ALPL: variants seen among roughly 807,000 people sequenced by gnomAD.
ALPL encodes the protein alkaline phosphatase, biomineralization associated, also known as alkaline phosphatase, tissue-nonspecific isozyme.
Under a neutral mutation model 51.3 loss-of-function variants are expected in ALPL, and 42 were observed. The observed-to-expected ratio is 0.82, with a 90% CI of 0.64 to 1.06. ALPL has a LOEUF of 1.06. Among genes scored for constraint, ALPL ranks in the 50% least tolerant of loss-of-function variants. ALPL has a pLI of 0.00. For synonymous variants in ALPL, 279 were observed against 296.4 expected, an observed-to-expected ratio of 0.94 and a Z score of 0.60; for missense variants, 589 against 709.4, an observed-to-expected ratio of 0.83 and a Z score of 1.93.
intron 1 of ALPL, among the ~76,000 whole-genome samples, chr1:21,524,330 G>A (rs1019480352): frequency 6.6e-6 from 1 of 151,992 alleles, no homozygotes; most frequent in African/African-American, 2.4e-5. Context: ...GGTAAAGAAT[G>A]GAAGCACAGG....
chr1:21,538,996 A>G (rs1290280665), intron 1 of ALPL, among the ~76,000 whole-genome samples: 1 of 152,224 alleles, frequency 6.6e-6, no homozygotes, highest in African/African-American at 2.4e-5. Context: ...AACATTTGGG[A>G]ACAGAGTGTA....
chr1:21,573,096 C>T (rs762866056), intron 8 of ALPL, among the ~76,000 whole-genome samples: 8 of 152,180 alleles, frequency 5.3e-5, no homozygotes, highest in Non-Finnish European at 1.0e-4. Context: ...ATCTGTGAAA[C>T]GGGCATGGTG....
chr1:21,528,129 C>T (rs969493926), intron 1 of ALPL, among the ~76,000 whole-genome samples: 11 of 150,660 alleles, frequency 7.3e-5, no homozygotes, highest in Admixed American at 6.0e-4. Context: ...AAGTGATCCT[C>T]CCACCTCAGC....
intron 1 of ALPL, among the ~76,000 whole-genome samples, chr1:21,513,433 GAT>G (rs961412420): frequency 1.3e-5 from 2 of 152,198 alleles, no homozygotes; most frequent in African/African-American, 4.8e-5. Context: ...GGTGGAAAAA[GAT>G]ATTAAGCTCA....
intron 2 of ALPL, among the ~76,000 whole-genome samples, chr1:21,558,896 C>G (rs1644447855): frequency 6.6e-6 from 1 of 152,218 alleles, no homozygotes; most frequent in African/African-American, 2.4e-5. Context: ...GGTTCTCCCA[C>G]TTGGGGCCCT....
chr1:21,568,718 G>T (rs535415317), intron 7 of ALPL, among the ~76,000 whole-genome samples: 11 of 152,232 alleles, frequency 7.2e-5, no homozygotes, highest in Non-Finnish European at 1.5e-4. Context: ...GATGGATCAG[G>T]GGAGGACATG....
At chr1:21,562,286 G>A (rs919817159) in intron 4 of ALPL, among the ~76,000 whole-genome samples, 1 of 152,228 alleles carries the variant, frequency 6.6e-6, no homozygotes, top group Non-Finnish European at 1.5e-5. Context: ...AAATGATGCT[G>A]ATAGACTTGC....
Position 21,524,429 on chromosome 1 carries a change from G to A in ALPL, c.-105+14912G>A, listed in dbSNP as rs539085571. Reference sequence around the variant, plus strand: ...GAGCCAAGGACTTCAAGGCTGCAGTGAGATATCATTGCACCTGTGAATAGC... The same window carrying A: ...GAGCCAAGGACTTCAAGGCTGCAGTAAGATATCATTGCACCTGTGAATAGC... On this transcript the variant is annotated intron_variant, in intron 1 of 11. Transcript: ENST00000374840. 1.1e-4 allele frequency among the ~76,000 whole-genome samples: 16 copies of A among 152,206 alleles called. No homozygotes were observed. The South Asian group carries it at 3.3e-3, about 32-fold the overall frequency.
At position 21,563,183 on chromosome 1, in the gene ALPL, A is replaced by G. The variant is rs11586344; in HGVS notation, c.371A>G (p.Asn124Ser). The change falls in exon 5 of 12, where the codon AAT becomes AGT. Residue 124 changes from asparagine (N) to serine (S), a missense_variant. By Grantham distance (46) the Asn-to-Ser change is conservative. Transcript: ENST00000374840. Reference protein sequence around the residue: ...ATAYLCGVKANEGTVGVSAAT... With the variant: ...ATAYLCGVKASEGTVGVSAAT... ...GCCTACCTGTGTGGGGTGAAGGCCA[A>G]TGAGGGCACCGTGGGGGTAAGCGCA... 1.3e-5 allele frequency: 21 copies of G among 1,613,944 alleles called. No individual in the cohort carries two copies. In the African/African-American group the frequency reaches 1.3e-4, roughly 10 times the overall value.
At chr1:21,539,104 G>A (rs956062511) in intron 1 of ALPL, among the ~76,000 whole-genome samples, 10 of 152,210 alleles carry the variant, frequency 6.6e-5, no homozygotes, top group African/African-American at 2.4e-4. Flanking sequence ...GCAAATGGTG[G>A]TTTGTTTCCA....
chr1:21,515,362 C>T (rs1018810760), intron 1 of ALPL, among the ~76,000 whole-genome samples: 2 of 152,230 alleles, frequency 1.3e-5, no homozygotes, highest in East Asian at 1.9e-4. Flanking sequence ...TTGTGCCTGG[C>T]CCACAAGTGC....
intron 1 of ALPL, among the ~76,000 whole-genome samples, chr1:21,548,531 C>T (rs1283386280): frequency 6.6e-6 from 1 of 152,204 alleles, no homozygotes; most frequent in African/African-American, 2.4e-5. Context: ...GAGCTTCAGG[C>T]TAGCAGGGAG....
intron 1 of ALPL, among the ~76,000 whole-genome samples, chr1:21,552,409 G>C (rs1012073736): frequency 6.6e-6 from 1 of 150,752 alleles, no homozygotes; most frequent in Non-Finnish European, 1.5e-5. Flanking sequence ...AACCCGGGGG[G>C]CGGAGGTTGC....
intron 1 of ALPL, among the ~76,000 whole-genome samples, chr1:21,538,155 C>T (rs1644134330): frequency 6.6e-6 from 1 of 152,206 alleles, no homozygotes; most frequent in Non-Finnish European, 1.5e-5. Context: ...TCTTGTTCCT[C>T]CAGTGACGTA....
At chr1:21,555,915 T>C (rs188156720) in intron 2 of ALPL, among the ~76,000 whole-genome samples, 1,625 of 151,666 alleles carry the variant, frequency 0.011, 32 homozygotes, top group African/African-American at 0.037. Flanking sequence ...GGACTACAGG[T>C]GCCCGCCACC....
At position 21,577,495 on chromosome 1, in the gene ALPL, C is replaced by T. The variant is rs12027316; in HGVS notation, c.1422C>T (p.Val474=). The change falls in exon 12 of 12, where the codon GTC becomes GTT. Residue 474 remains valine (V), a synonymous_variant. Transcript: ENST00000374840. The part of the protein sequence containing the change: ...KGPMAHLLHG[V]HEQNYVPHVM... ...CCATGGCGCACCTGCTGCACGGCGT[C>T]CACGAGCAGAACTACGTCCCCCACG... 2.5e-6 allele frequency: 4 copies of T among 1,609,280 alleles called. No individual in the cohort carries two copies. The East Asian group carries it at 8.9e-5, about 36-fold the overall frequency.
intron 6 of ALPL, among the ~76,000 whole-genome samples, chr1:21,566,888 C>T (rs748089421): frequency 3.9e-5 from 6 of 152,186 alleles, no homozygotes; most frequent in Admixed American, 6.5e-5. Context: ...TGAGCCACCG[C>T]GCCTGGCCAG....
At chr1:21,566,757 GTT>G (rs1644570826) in intron 6 of ALPL, among the ~76,000 whole-genome samples, 1 of 151,358 alleles carries the variant, frequency 6.6e-6, no homozygotes, top group South Asian at 2.1e-4. Context: ...GCCCGGCTAA[GTT>G]TCGAAACAAA....
chr1:21,538,931 G>C (rs1028091197), intron 1 of ALPL, among the ~76,000 whole-genome samples: 11 of 152,128 alleles, frequency 7.2e-5, no homozygotes, highest in Non-Finnish European at 1.6e-4. Context: ...CTCCTGTAAA[G>C]TTATGATTAT....
Sources: gnomAD v4.1 joint callset for allele counts (sites outside exome capture counted in the v4.1 genomes callset) on GRCh38, gnomAD v4.1.1 for gene constraint, MANE v1.5 for transcripts, NCBI Gene and HGNC (gene_info 2026-07-23, HGNC 2026-07-21) for gene names.